Variants in DOCK4 observed in about 807,000 individuals in gnomAD.
The protein encoded by DOCK4 is dedicator of cytokinesis protein 4.
A neutral mutation model predicts 268.1 loss-of-function variants in DOCK4; 97 were observed. The ratio of observed to expected loss-of-function variants is 0.36; its 90% confidence interval spans 0.31 to 0.43. The LOEUF is 0.43. DOCK4 is among the 20% of genes least tolerant of loss of function. The probability of loss-of-function intolerance (pLI) is 1.00; values close to 1 mark genes in which losing one functional copy is unlikely to be tolerated. For missense variants in DOCK4, 2,145 were observed against 2,455.7 expected, an observed-to-expected ratio of 0.87 and a Z score of 2.67; for synonymous variants, 954 against 887.2, an observed-to-expected ratio of 1.08 and a Z score of -1.34.
intron 1 of DOCK4, among the ~76,000 whole-genome samples, chr7:112,138,265 A>G (rs886632608): frequency 2.0e-5 from 3 of 152,194 alleles, no homozygotes; most frequent in South Asian, 4.1e-4. Flanking sequence ...AAAACTCTTA[A>G]TTATCACTGT....
intron 13 of DOCK4, among the ~76,000 whole-genome samples, chr7:111,904,825 C>T (rs974589288): frequency 1.3e-5 from 2 of 152,096 alleles, no homozygotes; most frequent in Non-Finnish European, 2.9e-5. Context: ...GTAGGAGAGA[C>T]AACACTACTT....
intron 35 of DOCK4, among the ~76,000 whole-genome samples, chr7:111,780,536 TA>T (rs1188800553): frequency 6.6e-6 from 1 of 152,136 alleles, no homozygotes; most frequent in Non-Finnish European, 1.5e-5. Context: ...ATAGTTCTCT[TA>T]AAAAAATACC....
chr7:112,025,703 C>G (rs960252963), intron 1 of DOCK4, among the ~76,000 whole-genome samples: 1 of 152,170 alleles, frequency 6.6e-6, no homozygotes, highest in African/African-American at 2.4e-5. Flanking sequence ...GCCTGCCTCA[C>G]TTGGGGTCTC....
chr7:112,071,642 C>T (rs1807591366), intron 1 of DOCK4, among the ~76,000 whole-genome samples: 2 of 152,194 alleles, frequency 1.3e-5, no homozygotes, highest in African/African-American at 4.8e-5. Flanking sequence ...GAGCAGTCTT[C>T]AATCTTCTGA....
At chr7:111,870,982 G>C (rs1003071225) in intron 20 of DOCK4, among the ~76,000 whole-genome samples, 1 of 152,222 alleles carries the variant, frequency 6.6e-6, no homozygotes, top group Non-Finnish European at 1.5e-5. Context: ...AAATCACACT[G>C]ATGAAGTGTC....
In DOCK4 at chr7:111,872,046, A is replaced by G; in HGVS notation, c.1971T>C (p.Phe657=). The G allele has an allele frequency of 1.3e-6, 2 of 1,555,892 alleles. No individual in the cohort carries two copies. The highest frequency in any genetic ancestry group is 8.7e-7 in the Non-Finnish European group (1 of 1,149,378). ...CAATGTAAGTGTCCATTACAGGTTT[A>G]AAATGATGAAATTTGCTATCTTGCA... The part of the protein sequence containing the change: ...NLLQDSKFHH[F]KPVMDTYIES... Residue 657 remains phenylalanine (F), a synonymous_variant, in exon 20 of 53, where the codon TTT becomes TTC. Coordinates refer to ENST00000428084, the MANE Select transcript of DOCK4 (RefSeq NM_001363540.2).
Position 111,747,387 on chromosome 7 carries a change from C to G in DOCK4, c.4473G>C (p.Gln1491His). 6.2e-7 allele frequency: 1 copy of G among 1,612,304 alleles called. No homozygotes were observed. The highest frequency in any genetic ancestry group is 8.5e-7 in the Non-Finnish European group (1 of 1,179,216). ...AIEVLENKNQ[Q>H]LKTLISQCQT... ...GACACTGACTAATCAGAGTCTTCAG[C>G]TGCTGATTCTTATTTTCTAGCACTT... The change falls in exon 43 of 53, where the codon CAG becomes CAC. Residue 1491 changes from glutamine (Q) to histidine (H), a missense_variant. By Grantham distance (24) the Gln-to-His change is conservative (BLOSUM62 0). Transcript: ENST00000428084.
intron 31 of DOCK4, chr7:111,789,038 C>G (rs1039218432): frequency 1.7e-5 from 7 of 416,732 alleles, no homozygotes. Context: ...CGTTTGAATT[C>G]TTTTTTAGGA....
chr7:111,868,146 T>C lies in DOCK4; in HGVS notation c.2118A>G (p.Glu706=). 6.3e-7 allele frequency: 1 copy of C among 1,576,156 alleles called. No homozygotes were observed. Among genetic ancestry groups the C allele is most frequent in the Non-Finnish European group, 8.6e-7 (1 of 1,164,158 alleles). ...ATTGAACTATATACTTAAAAATGTA[T>C]TCTTGTGCCTTAAAAATACAATTTT... The part of the protein sequence containing the change: ...EHIQEVLKAQ[E]YIFKYIVQSR... The change falls in exon 22 of 53, where the codon GAA becomes GAG. Residue 706 remains glutamate, a synonymous_variant. Transcript: ENST00000428084.
chr7:111,948,073 T>C (rs1166495743), intron 8 of DOCK4, among the ~76,000 whole-genome samples: 2 of 152,178 alleles, frequency 1.3e-5, no homozygotes, highest in Non-Finnish European at 2.9e-5. Flanking sequence ...CAAGAATTCA[T>C]CTTGGGACAA....
intron 16 of DOCK4, among the ~76,000 whole-genome samples, chr7:111,893,897 G>A (rs2134367711): frequency 6.6e-6 from 1 of 152,314 alleles, no homozygotes; most frequent in Admixed American, 6.5e-5. Context: ...TAAAGAAATA[G>A]ACAATGAAAT....
At chr7:111,747,205 C>A in intron 43 of DOCK4, 62 bp downstream of exon 43, 1 of 1,518,098 alleles carries the variant, frequency 6.6e-7, no homozygotes, top group Non-Finnish European at 8.9e-7. Context: ...AAAAAAGATT[C>A]ATGAAACCCT....
chr7:111,998,895 T>TTC lies in DOCK4; in HGVS notation c.163-393_163-392insGA, dbSNP rs75390285. Among the ~76,000 whole-genome samples the TTC allele has an allele frequency of 1.1e-4, 17 of 151,774 alleles. No individual in the cohort carries two copies. The East Asian group carries it at 2.7e-3, about 24-fold the overall frequency. On this transcript the variant is annotated intron_variant, in intron 3 of 52. Transcript: ENST00000428084. ...TCGTTTTGATGGTAGTTCCTTTTTT[T>TTC]CTCCCCAAAACATTCATATTTCTCT...
intron 36 of DOCK4, among the ~76,000 whole-genome samples, chr7:111,774,836 G>C (rs1798346620): frequency 2.0e-5 from 3 of 152,186 alleles, no homozygotes; most frequent in East Asian, 1.9e-4. Context: ...AATAATTTAG[G>C]CTGTGGTCTT....
chr7:111,793,088 G>C (rs1381497933), intron 30 of DOCK4, among the ~76,000 whole-genome samples: 1 of 152,180 alleles, frequency 6.6e-6, no homozygotes, highest in Admixed American at 6.5e-5. Context: ...AGAGTTGTTT[G>C]ATTAATTCTA....
intron 23 of DOCK4, among the ~76,000 whole-genome samples, chr7:111,857,978 T>A (rs1424544997): frequency 6.6e-6 from 1 of 152,224 alleles, no homozygotes; most frequent in Non-Finnish European, 1.5e-5. Flanking sequence ...TATTTAGACA[T>A]TAAATACCAA....
chr7:111,957,861 T>C (rs1011720693), intron 8 of DOCK4, among the ~76,000 whole-genome samples: 2 of 152,230 alleles, frequency 1.3e-5, no homozygotes, highest in Non-Finnish European at 2.9e-5. Context: ...ATTTAATTTG[T>C]AGTCCAAAAA....
chr7:112,041,735 T>C (rs141324524), intron 1 of DOCK4, among the ~76,000 whole-genome samples: 131 of 152,326 alleles, frequency 8.6e-4, no homozygotes, highest in African/African-American at 3.0e-3. Context: ...ACTTATGAGT[T>C]TCCTTTTCTC....
chr7:111,962,130 C>T (rs1446923433), intron 8 of DOCK4, among the ~76,000 whole-genome samples: 1 of 152,084 alleles, frequency 6.6e-6, no homozygotes, highest in Non-Finnish European at 1.5e-5. Context: ...TAAAGCAAAT[C>T]ACACCTCTGA....
Sources: allele counts gnomAD v4.1 joint callset (sites outside exome capture counted in the v4.1 genomes callset), GRCh38; gene constraint gnomAD v4.1.1; transcripts MANE v1.5; gene names NCBI Gene and HGNC (gene_info 2026-07-23, HGNC 2026-07-21).